ERBB4: variants seen among roughly 807,000 people sequenced by gnomAD.
The protein encoded by ERBB4 is erb-b2 receptor tyrosine kinase 4.
ERBB4 carries 42 observed loss-of-function variants against 158.0 expected under a neutral mutation model. The ratio of observed to expected loss-of-function variants is 0.27; its 90% confidence interval spans 0.21 to 0.34. ERBB4 has a LOEUF of 0.34. Ranked by LOEUF, ERBB4 falls within the 10% of genes least tolerant of loss-of-function variation. The probability of loss-of-function intolerance (pLI) is 1.00; values close to 1 mark genes in which losing one functional copy is unlikely to be tolerated. For synonymous variants in ERBB4, 583 were observed against 558.7 expected (o/e 1.04, Z -0.61); for missense variants, 1,333 against 1,624.1 (o/e 0.82, Z 3.08).
chr2:211,442,721 A>G (rs978491469), intron 20 of ERBB4, among the ~76,000 whole-genome samples: 1 of 70,208 alleles, frequency 1.4e-5, no homozygotes, highest in Non-Finnish European at 2.8e-5. Flanking sequence ...TGAGATTTAT[A>G]TATACATATG....
intron 1 of ERBB4, among the ~76,000 whole-genome samples, chr2:212,254,041 C>T (rs1195820206): frequency 1.3e-5 from 2 of 151,816 alleles, no homozygotes; most frequent in African/African-American, 2.4e-5. Context: ...CTCAGGAGAC[C>T]GCTGTGGTAG....
intron 4 of ERBB4, among the ~76,000 whole-genome samples, chr2:211,773,318 T>G (rs190889333): frequency 1.3e-5 from 2 of 151,810 alleles, no homozygotes; most frequent in African/African-American, 4.8e-5. Flanking sequence ...CTGTTGAGAC[T>G]AATATTGTAT....
chr2:212,300,940 G>A (rs1196920289), intron 1 of ERBB4, among the ~76,000 whole-genome samples: 1 of 151,414 alleles, frequency 6.6e-6, no homozygotes, highest in Non-Finnish European at 1.5e-5. Flanking sequence ...ATGCTTTATA[G>A]GTAACAGTTT....
intron 2 of ERBB4, among the ~76,000 whole-genome samples, chr2:212,016,417 T>C (rs2076530989): frequency 6.6e-6 from 1 of 152,176 alleles, no homozygotes; most frequent in Non-Finnish European, 1.5e-5. Flanking sequence ...AAGTTCATAT[T>C]AAAAACTGTC....
At chr2:211,990,569 G>A (rs1031102734) in intron 2 of ERBB4, among the ~76,000 whole-genome samples, 1 of 150,964 alleles carries the variant, frequency 6.6e-6, no homozygotes, top group African/African-American at 2.4e-5. Flanking sequence ...GACCATTCAG[G>A]CAGTTCCCAA....
At chr2:212,241,500 A>T (rs920156370) in intron 1 of ERBB4, among the ~76,000 whole-genome samples, 12 of 152,330 alleles carry the variant, frequency 7.9e-5, no homozygotes, top group Admixed American at 7.2e-4. Flanking sequence ...GTATAATTTC[A>T]TCTGATTGTT....
At chr2:212,147,902 C>G (rs1165795443) in intron 1 of ERBB4, among the ~76,000 whole-genome samples, 1 of 151,956 alleles carries the variant, frequency 6.6e-6, no homozygotes, top group Non-Finnish European at 1.5e-5. Context: ...GCCTGTGGTC[C>G]CTTTTCTGTG....
At chr2:212,289,523 T>G (rs1360346045) in intron 1 of ERBB4, among the ~76,000 whole-genome samples, 1 of 152,186 alleles carries the variant, frequency 6.6e-6, no homozygotes, top group Non-Finnish European at 1.5e-5. Flanking sequence ...CAAGCAAACT[T>G]TTATTTACTG....
intron 1 of ERBB4, among the ~76,000 whole-genome samples, chr2:212,433,249 TTTTGTTA>T (rs1449082803): frequency 6.6e-6 from 1 of 152,054 alleles, no homozygotes; most frequent in Admixed American, 6.6e-5. Context: ...TTACAATGGA[TTTTGTTA>T]TTTAAGTTTC....
intron 3 of ERBB4, among the ~76,000 whole-genome samples, chr2:211,838,878 G>T (rs532457864): frequency 3.9e-5 from 6 of 152,126 alleles, no homozygotes; most frequent in Admixed American, 2.0e-4. Context: ...TGAAGCTATT[G>T]AACTCTGATT....
chr2:211,538,977 T>TA (rs1229058898), intron 20 of ERBB4, among the ~76,000 whole-genome samples: 2 of 151,896 alleles, frequency 1.3e-5, no homozygotes, highest in African/African-American at 4.8e-5. Context: ...CTAAATGAAC[T>TA]AAAGTATAAG....
At chr2:211,744,088 G>A (rs1049275656) in intron 5 of ERBB4, among the ~76,000 whole-genome samples, 1 of 152,084 alleles carries the variant, frequency 6.6e-6, no homozygotes, top group Non-Finnish European at 1.5e-5. Flanking sequence ...AGTTGAATGA[G>A]TTTGTTTTAA....
chr2:212,336,114 A>G (rs1205582023), intron 1 of ERBB4, among the ~76,000 whole-genome samples: 1 of 152,022 alleles, frequency 6.6e-6, no homozygotes, highest in Non-Finnish European at 1.5e-5. Context: ...TTAATGTTCC[A>G]CAGGAAAAAA....
chr2:212,187,041 C>G (rs2082034493), intron 1 of ERBB4, among the ~76,000 whole-genome samples: 1 of 151,976 alleles, frequency 6.6e-6, no homozygotes, highest in Admixed American at 6.6e-5. Flanking sequence ...AGACTAAGAT[C>G]AGATTTTACA....
At chr2:211,605,147 G>A (rs1262422771) in intron 19 of ERBB4, among the ~76,000 whole-genome samples, 3 of 151,966 alleles carry the variant, frequency 2.0e-5, no homozygotes, top group Non-Finnish European at 4.4e-5. Context: ...TTCTCTTTTT[G>A]TTCCTCTGAT....
chr2:212,268,292 A>G (rs2085222618), intron 1 of ERBB4, among the ~76,000 whole-genome samples: 1 of 151,884 alleles, frequency 6.6e-6, no homozygotes, highest in Non-Finnish European at 1.5e-5. Context: ...GATAGAAATG[A>G]CAGATTTTAA....
intron 2 of ERBB4, among the ~76,000 whole-genome samples, chr2:212,048,928 T>C (rs545897423): frequency 6.6e-6 from 1 of 152,304 alleles, no homozygotes; most frequent in East Asian, 1.9e-4. Context: ...TTGAATTCTG[T>C]CATCAACCAG....
At chr2:212,271,198 C>G (rs1368426526) in intron 1 of ERBB4, among the ~76,000 whole-genome samples, 1 of 151,612 alleles carries the variant, frequency 6.6e-6, no homozygotes, top group Non-Finnish European at 1.5e-5. Flanking sequence ...CTGAGTTAGA[C>G]TTTCAGCATT....
At chr2:211,516,695 A>G (rs2066043662) in intron 20 of ERBB4, among the ~76,000 whole-genome samples, 1 of 152,096 alleles carries the variant, frequency 6.6e-6, no homozygotes, top group East Asian at 1.9e-4. Context: ...AATTGAAACT[A>G]AATAAGGGTG....
Sources: allele counts gnomAD v4.1 joint callset (sites outside exome capture counted in the v4.1 genomes callset), GRCh38; gene constraint gnomAD v4.1.1; transcripts MANE v1.5; gene names NCBI Gene and HGNC (gene_info 2026-07-23, HGNC 2026-07-21).